Variants in FYTTD1 observed in about 807,000 individuals in gnomAD.
FYTTD1 encodes UAP56-interacting factor.
Under a neutral mutation model 40.9 loss-of-function variants are expected in FYTTD1, and 22 were observed. The observed-to-expected ratio is 0.54, with a 90% confidence interval of 0.38 to 0.77. FYTTD1 has a LOEUF of 0.77. FYTTD1 is among the 30% of genes least tolerant of loss of function. FYTTD1 has a pLI of 0.00. For synonymous variants in FYTTD1, 140 were observed against 137.9 expected (o/e 1.01, Z -0.10); for missense variants, 351 against 392.2 (o/e 0.90, Z 0.89).
rs377479804 is a variant in FYTTD1, at chr3:197,779,747, A to T, written c.858+1283A>T. Reference sequence around the variant, plus strand: ...ACCTGAGGATACAGGCACACACACCACACCTGGGGATACAGGCACACACCA... The same window carrying T: ...ACCTGAGGATACAGGCACACACACCTCACCTGGGGATACAGGCACACACCA... On this transcript the variant is annotated intron_variant, in intron 8 of 8. Coordinates refer to ENST00000241502, the MANE Select transcript of FYTTD1 (RefSeq NM_032288.7). Among the ~76,000 whole-genome samples, 5 of 149,002 alleles carry T rather than the reference A, an allele frequency of 3.4e-5. No individual in the cohort carries two copies. The South Asian group carries it at 1.1e-3, about 32-fold the overall frequency.
chr3:197,761,871 C>G (rs1729398368), intron 2 of FYTTD1, among the ~76,000 whole-genome samples: 1 of 152,216 alleles, frequency 6.6e-6, no homozygotes, highest in Non-Finnish European at 1.5e-5. Context: ...GTACCATAGA[C>G]TAGGTAGCTT....
chr3:197,757,074 A>G (rs927504043), intron 2 of FYTTD1, among the ~76,000 whole-genome samples: 1 of 152,246 alleles, frequency 6.6e-6, no homozygotes, highest in Non-Finnish European at 1.5e-5. Context: ...CTACTGTTAC[A>G]TTCTGCATAG....
rs1441734714 is a variant in FYTTD1 at position 197,787,074 on chromosome 3, C to A, written c.*5165C>A. On this transcript the variant is annotated 3_prime_UTR_variant, in exon 9 of 9. Coordinates refer to ENST00000241502, the MANE Select transcript of FYTTD1 (RefSeq NM_032288.7). ...TCAGCTTCCCAAAGTGCTGGGATTA[C>A]AGGTGTGAGCCACCACGCCCGCCCT... 6.6e-6 allele frequency: 1 copy of A among 150,644 alleles called. No homozygotes were observed. The highest frequency in any genetic ancestry group is 2.4e-5 in the African/African-American group (1 of 40,858). The allele number at this position is 150,644 out of a possible 1,614,324, so 9.3% of individuals were successfully genotyped here.
intron 2 of FYTTD1, 85 bp downstream of exon 2, chr3:197,756,642 GA>G (rs1245047146): frequency 2.5e-5 from 30 of 1,188,274 alleles, no homozygotes; most frequent in Non-Finnish European, 3.5e-5. Flanking sequence ...TAACGTGGAG[GA>G]ATGCGTCAGT....
intron 1 of FYTTD1, among the ~76,000 whole-genome samples, chr3:197,751,775 C>T (rs534466777): frequency 2.4e-4 from 37 of 152,260 alleles, no homozygotes; most frequent in African/African-American, 8.2e-4. Context: ...AGTTTATCCT[C>T]GTCATAACTC....
intron 2 of FYTTD1, among the ~76,000 whole-genome samples, chr3:197,767,467 G>A (rs1729585791): frequency 1.4e-5 from 2 of 146,072 alleles, no homozygotes; most frequent in Non-Finnish European, 3.0e-5. Context: ...CTAGAAAAAA[G>A]TATTTACTTA....
At chr3:197,767,441 ATTTTT>A (rs35419113) in intron 2 of FYTTD1, among the ~76,000 whole-genome samples, 1 of 145,084 alleles carries the variant, frequency 6.9e-6, no homozygotes, top group Non-Finnish European at 1.5e-5. Flanking sequence ...CCTGGCTGCT[ATTTTT>A]TTTTTTTTAA....
rs1285758962 is a variant in FYTTD1, at chr3:197,774,144, T to G, written c.595-5T>G. On this transcript the variant is annotated splice_region_variant and splice_polypyrimidine_tract_variant and intron_variant, in intron 5 of 8. Coordinates refer to ENST00000241502, the MANE Select transcript of FYTTD1 (RefSeq NM_032288.7). ...TGGTACCTACTGCTTTTTTTTTCCC[T>G]TCAGGTGCAGGCCCAGTTGAATACA... 1 of 1,613,352 alleles carries G rather than the reference T, an allele frequency of 6.2e-7. No homozygotes were observed. The highest frequency in any genetic ancestry group is 2.2e-5 in the East Asian group (1 of 44,886).
At chr3:197,778,240 TA>T (rs1729929966) in intron 7 of FYTTD1, 97 bp from the exon 8 acceptor site, 2 of 874,832 alleles carry the variant, frequency 2.3e-6, no homozygotes, top group Admixed American at 3.4e-5. Flanking sequence ...ATGGCCCTAA[TA>T]CATTTGAACA....
At chr3:197,753,239 T>C (rs1381238215) in intron 1 of FYTTD1, among the ~76,000 whole-genome samples, 1 of 152,234 alleles carries the variant, frequency 6.6e-6, no homozygotes, top group Admixed American at 6.5e-5. Context: ...TTTTTTTGTT[T>C]TAAATCATGG....
At chr3:197,781,472 C>T (rs1000238587) in intron 8 of FYTTD1, among the ~76,000 whole-genome samples, 4 of 151,172 alleles carry the variant, frequency 2.6e-5, no homozygotes, top group Non-Finnish European at 4.4e-5. Context: ...TTGAACTCAC[C>T]GTAATTCAAG....
At position 197,756,455 on chromosome 3, in the gene FYTTD1, G is replaced by A. The variant is rs757139737; in HGVS notation, c.133G>A (p.Gly45Arg). The A allele has an allele frequency of 2.5e-6, 4 of 1,606,998 alleles. No individual in the cohort carries two copies. Among genetic ancestry groups the A allele is most frequent in the Non-Finnish European group, 3.4e-6 (4 of 1,173,692 alleles). Residue 45 changes from glycine (G) to arginine (R), a missense_variant, in exon 2 of 9, where the codon GGG (glycine) becomes AGG (arginine). Coordinates refer to ENST00000241502, the MANE Select transcript of FYTTD1 (RefSeq NM_032288.7). ...DDIIKLNRKE[G>R]KKQNFPRLNR... ...TATCATCAAGTTGAATCGAAAGGAA[G>A]GGAAGAAGCAGAATTTTCCAAGACT...
At chr3:197,761,949 G>C (rs1490698924) in intron 2 of FYTTD1, among the ~76,000 whole-genome samples, 1 of 152,196 alleles carries the variant, frequency 6.6e-6, no homozygotes, top group Non-Finnish European at 1.5e-5. Context: ...TGTCAGCAAG[G>C]TCAGGTTCTG....
intron 3 of FYTTD1, among the ~76,000 whole-genome samples, chr3:197,769,547 GA>G (rs1188613303): frequency 6.6e-6 from 1 of 152,202 alleles, no homozygotes; most frequent in African/African-American, 2.4e-5. Flanking sequence ...AGGCTTTAAT[GA>G]TGGATTTAAT....
At chr3:197,764,863 G>C (rs577071222) in intron 2 of FYTTD1, among the ~76,000 whole-genome samples, 9 of 143,428 alleles carry the variant, frequency 6.3e-5, no homozygotes, top group East Asian at 3.9e-4. Flanking sequence ...TTTTTTTTGG[G>C]GGGGGAGGAT....
intron 7 of FYTTD1, 135 bp from the exon 8 acceptor site, chr3:197,778,203 A>G: frequency 1.7e-6 from 1 of 577,788 alleles, no homozygotes; most frequent in Non-Finnish European, 2.9e-6. Flanking sequence ...TAGCCAGTGA[A>G]ACTTTTTTTT....
At position 197,782,027 on chromosome 3, in the gene FYTTD1, A is replaced by G. The variant is rs1467084808; in HGVS notation, c.*118A>G. On this transcript the variant is annotated 3_prime_UTR_variant, in exon 9 of 9. Coordinates refer to ENST00000241502, the MANE Select transcript of FYTTD1 (RefSeq NM_032288.7). Reference sequence around the variant, plus strand: ...ATATTCACAAGGCTAAATAACTCTTATTTTTATTTTTGAAGGTTTTTTTTT... The same window carrying G: ...ATATTCACAAGGCTAAATAACTCTTGTTTTTATTTTTGAAGGTTTTTTTTT... 2.1e-6 allele frequency: 1 copy of G among 475,352 alleles called. No individual in the cohort carries two copies. Among genetic ancestry groups the G allele is most frequent in the East Asian group, 3.4e-5 (1 of 29,408 alleles). The allele number at this position is 475,352 out of a possible 1,614,324, so 29.4% of individuals were successfully genotyped here.
At chr3:197,752,555 G>A (rs1223187806) in intron 1 of FYTTD1, among the ~76,000 whole-genome samples, 3 of 151,724 alleles carry the variant, frequency 2.0e-5, no homozygotes, top group Admixed American at 6.6e-5. Flanking sequence ...TACATACACT[G>A]TATGTGTGTA....
At chr3:197,774,918 A>G (rs1560499894) in intron 6 of FYTTD1, among the ~76,000 whole-genome samples, 1 of 152,250 alleles carries the variant, frequency 6.6e-6, no homozygotes, top group Non-Finnish European at 1.5e-5. Context: ...TTAAACATTG[A>G]GGCTAAAATA....
Sources: allele counts gnomAD v4.1 joint callset (sites outside exome capture counted in the v4.1 genomes callset), GRCh38; gene constraint gnomAD v4.1.1; transcripts MANE v1.5; gene names NCBI Gene and HGNC (gene_info 2026-07-23, HGNC 2026-07-21).